ASH2L: variants seen among roughly 807,000 people sequenced by gnomAD.
ASH2L encodes set1/Ash2 histone methyltransferase complex subunit ASH2.
A neutral mutation model predicts 81.1 loss-of-function variants in ASH2L; 30 were observed. The observed-to-expected ratio is 0.37, with a 90% confidence interval of 0.28 to 0.50. The LOEUF (loss-of-function observed/expected upper bound fraction) is 0.50. ASH2L is among the 20% of genes least tolerant of loss of function. The probability of loss-of-function intolerance (pLI) is 0.95; values close to 1 mark genes in which losing one functional copy is unlikely to be tolerated. For missense variants in ASH2L, 559 were observed against 792.1 expected, an observed-to-expected ratio of 0.71 and a Z score of 3.53; for synonymous variants, 273 against 279.9, an observed-to-expected ratio of 0.98 and a Z score of 0.24.
At chr8:38,135,643 A>G (rs1802221954) in intron 13 of ASH2L, 25 bp from the exon 14 acceptor site, 1 of 1,539,718 alleles carries the variant, frequency 6.5e-7, no homozygotes. Context: ...ACAGTTCTGA[A>G]GTAAAACCAT....
intron 2 of ASH2L, 33 bp from the exon 3 acceptor site, chr8:38,106,988 A>T: frequency 6.2e-7 from 1 of 1,612,034 alleles, no homozygotes. Context: ...CATTCAAGTC[A>T]ACTGATTTGA....
chr8:38,107,294 A>G (rs1259372165), intron 3 of ASH2L, 128 bp downstream of exon 3: 2 of 1,192,028 alleles, frequency 1.7e-6, no homozygotes, highest in Non-Finnish European at 2.4e-6. Flanking sequence ...TTCAGCAAGT[A>G]GGATGTTGAA....
chr8:38,128,045 C>CAAA (rs11417823), intron 10 of ASH2L, among the ~76,000 whole-genome samples: 1 of 148,554 alleles, frequency 6.7e-6, no homozygotes, highest in Non-Finnish European at 1.5e-5. Flanking sequence ...GACTCCATCT[C>CAAA]AAAAAAAAAA....
intron 12 of ASH2L, among the ~76,000 whole-genome samples, chr8:38,131,655 TAAATA>T (rs777977414): frequency 3.0e-4 from 45 of 151,932 alleles, no homozygotes; most frequent in Non-Finnish European, 6.3e-4. Context: ...CAAAAATAAA[TAAATA>T]AATAAATAAT....
At chr8:38,136,750 G>A (rs1445006358) in intron 14 of ASH2L, among the ~76,000 whole-genome samples, 2 of 150,364 alleles carry the variant, frequency 1.3e-5, no homozygotes, top group Admixed American at 1.3e-4. Flanking sequence ...TCCAGCCTGG[G>A]TGACAAAACG....
chr8:38,138,909 C>T, intron 15 of ASH2L, 34 bp downstream of exon 15: 1 of 1,613,678 alleles, frequency 6.2e-7, no homozygotes, highest in East Asian at 2.2e-5. Context: ...CATGTGTCCT[C>T]AGCATCTCCG....
At chr8:38,134,289 C>T (rs1173915806) in intron 13 of ASH2L, among the ~76,000 whole-genome samples, 3 of 151,754 alleles carry the variant, frequency 2.0e-5, no homozygotes, top group African/African-American at 7.3e-5. Context: ...CCAAATCCCC[C>T]TCTGTGAGAA....
intron 12 of ASH2L, among the ~76,000 whole-genome samples, chr8:38,131,909 C>T (rs987467965): frequency 1.3e-5 from 2 of 150,892 alleles, no homozygotes; most frequent in African/African-American, 2.4e-5. Flanking sequence ...TGCAGTGGTA[C>T]GCAGTCTCGG....
chr8:38,129,451 C>T (rs1329901571), intron 12 of ASH2L, among the ~76,000 whole-genome samples: 3 of 152,028 alleles, frequency 2.0e-5, no homozygotes, highest in Admixed American at 1.3e-4. Context: ...GGTAACATCA[C>T]GAGACCCCAT....
At chr8:38,106,196 G>T in intron 1 of ASH2L, 182 bp from the exon 2 acceptor site, 1 of 1,474,444 alleles carries the variant, frequency 6.8e-7, no homozygotes, top group Non-Finnish European at 9.2e-7. Flanking sequence ...GTCCGCGACT[G>T]TCTGACATGT....
chr8:38,114,341 T>A, intron 6 of ASH2L, 54 bp downstream of exon 6: 1 of 1,154,140 alleles, frequency 8.7e-7, no homozygotes. Flanking sequence ...TTGTTTTTTG[T>A]AAGAATTCAA....
intron 8 of ASH2L, among the ~76,000 whole-genome samples, chr8:38,118,759 G>A (rs1365168638): frequency 6.6e-6 from 1 of 152,188 alleles, no homozygotes; most frequent in Admixed American, 6.5e-5. Context: ...TGGATATTCA[G>A]GTTCAATGCT....
chr8:38,107,904 G>GTA (rs765233898), intron 3 of ASH2L, among the ~76,000 whole-genome samples: 7 of 140,000 alleles, frequency 5.0e-5, no homozygotes, highest in South Asian at 4.4e-4. Context: ...GTGTGTGTGT[G>GTA]TATATGTATA....
chr8:38,105,500 ACG>A (rs1563247559), upstream of ASH2L: 2 of 1,477,354 alleles, frequency 1.4e-6, no homozygotes, highest in Admixed American at 5.0e-5. Context: ...TCACACAGCA[ACG>A]CGCGCGAGAG....
At chr8:38,116,894 AGAG>A (rs1207229887) in intron 8 of ASH2L, among the ~76,000 whole-genome samples, 169 bp downstream of exon 8, 1 of 152,246 alleles carries the variant, frequency 6.6e-6, no homozygotes. Flanking sequence ...AGATGGTAAT[AGAG>A]GAGAACTTTT....
At chr8:38,123,217 T>A (rs1389859922) in intron 10 of ASH2L, 3 of 151,354 alleles carry the variant, frequency 2.0e-5, no homozygotes, top group Non-Finnish European at 4.4e-5. Flanking sequence ...CCTGAGTAGC[T>A]GGAATTACAG....
At chr8:38,106,560 T>A in intron 2 of ASH2L, 116 bp downstream of exon 2, 1 of 828,046 alleles carries the variant, frequency 1.2e-6, no homozygotes, top group Non-Finnish European at 1.9e-6. Flanking sequence ...CAGGCTGGAA[T>A]GCAGTGGCGC....
chr8:38,131,617 G>T (rs1802059415), intron 12 of ASH2L, among the ~76,000 whole-genome samples: 2 of 152,174 alleles, frequency 1.3e-5, no homozygotes, highest in South Asian at 4.1e-4. Flanking sequence ...GTGAACTCCA[G>T]ACTGGGCGAC....
At chr8:38,115,821 T>G (rs1475202887) in intron 7 of ASH2L, among the ~76,000 whole-genome samples, 1 of 152,182 alleles carries the variant, frequency 6.6e-6, no homozygotes, top group East Asian at 1.9e-4. Flanking sequence ...TTATCGCCAT[T>G]CTGAAACTAT....
Sources: allele counts gnomAD v4.1 joint callset (sites outside exome capture counted in the v4.1 genomes callset), GRCh38; gene constraint gnomAD v4.1.1; transcripts MANE v1.5; gene names NCBI Gene and HGNC (gene_info 2026-07-23, HGNC 2026-07-21).